Variants in IMMP2L observed in about 807,000 individuals in gnomAD.
IMMP2L encodes mitochondrial inner membrane protease subunit 2.
IMMP2L carries 18 observed loss-of-function variants against 19.3 expected under a neutral mutation model. The observed-to-expected ratio is 0.93, with a 90% CI of 0.64 to 1.38. The LOEUF is 1.38. Among genes scored for constraint, IMMP2L ranks in the 40% most tolerant of loss-of-function variants. The pLI is 0.00. For synonymous variants in IMMP2L, 76 were observed against 73.0 expected (o/e 1.04, Z -0.21); for missense variants, 233 against 218.2 (o/e 1.07, Z -0.43).
At chr7:110,777,726 T>A (rs141243053) in intron 5 of IMMP2L, among the ~76,000 whole-genome samples, 1 of 151,960 alleles carries the variant, frequency 6.6e-6, no homozygotes, top group African/African-American at 2.4e-5. Flanking sequence ...GGCTTACAGA[T>A]CCACTATATC....
chr7:110,851,380 C>T (rs1204824135), intron 5 of IMMP2L, among the ~76,000 whole-genome samples: 1 of 152,148 alleles, frequency 6.6e-6, no homozygotes, highest in African/African-American at 2.4e-5. Context: ...GTGCATGATG[C>T]ACAGAGGAAT....
intron 3 of IMMP2L, among the ~76,000 whole-genome samples, chr7:111,012,383 T>C (rs113639597): frequency 3.3e-5 from 5 of 152,254 alleles, no homozygotes; most frequent in African/African-American, 1.2e-4. Context: ...TTCATAATAA[T>C]GCAGCCAATA....
intron 3 of IMMP2L, among the ~76,000 whole-genome samples, chr7:111,276,317 A>C (rs1819046296): frequency 6.6e-6 from 1 of 151,930 alleles, no homozygotes; most frequent in South Asian, 2.1e-4. Flanking sequence ...TGGTATATTA[A>C]TCTCTTTGAT....
rs77890015 is a variant in IMMP2L at position 110,688,325 on chromosome 7, T to A, written c.409-24604A>T. 8.2e-3 allele frequency among the ~76,000 whole-genome samples: 1,243 copies of A among 152,194 alleles called. 14 individuals carry two copies. Among genetic ancestry groups the A allele is most frequent in the African/African-American group, 0.028 (1,160 of 41,534 alleles). The stretch of plus-strand genomic sequence containing the variant: ...ACTACTCATCACCAATTTGAACCTG[T>A]ACAACTATGTTCACACAAAAACAAA... On this transcript the variant is annotated intron_variant, in intron 5 of 5. Coordinates refer to ENST00000405709, the MANE Select transcript of IMMP2L (RefSeq NM_032549.4).
At chr7:110,850,459 A>T (rs2131522497) in intron 5 of IMMP2L, among the ~76,000 whole-genome samples, 1 of 152,230 alleles carries the variant, frequency 6.6e-6, no homozygotes, top group East Asian at 1.9e-4. Flanking sequence ...CATATAACTG[A>T]AAGTGGGTTT....
intron 3 of IMMP2L, among the ~76,000 whole-genome samples, chr7:110,978,254 T>G (rs1820903236): frequency 6.6e-6 from 1 of 152,062 alleles, no homozygotes; most frequent in African/African-American, 2.4e-5. Flanking sequence ...CACTTGTTAG[T>G]ATATTTGTAG....
At chr7:111,458,034 G>A (rs1447446648) in intron 3 of IMMP2L, among the ~76,000 whole-genome samples, 6 of 151,448 alleles carry the variant, frequency 4.0e-5, no homozygotes, top group South Asian at 4.2e-4. Flanking sequence ...TTACTCTATC[G>A]AGTCTTTAAT....
intron 5 of IMMP2L, among the ~76,000 whole-genome samples, chr7:110,741,584 C>T (rs1796992921): frequency 6.6e-6 from 1 of 152,180 alleles, no homozygotes; most frequent in African/African-American, 2.4e-5. Context: ...CTGTTGGTGC[C>T]ATGATCTTGG....
chr7:111,333,396 T>C (rs1826067017), intron 3 of IMMP2L, among the ~76,000 whole-genome samples: 1 of 152,112 alleles, frequency 6.6e-6, no homozygotes, highest in Admixed American at 6.6e-5. Flanking sequence ...TGGGGATTTG[T>C]GCATTCCTGG....
intron 1 of IMMP2L, among the ~76,000 whole-genome samples, chr7:111,540,867 A>C (rs1161079942): frequency 6.6e-6 from 1 of 152,114 alleles, no homozygotes; most frequent in East Asian, 1.9e-4. Flanking sequence ...CCACTCCTTT[A>C]AATGCCAGTC....
At chr7:110,937,171 T>G (rs1158340501) in intron 4 of IMMP2L, among the ~76,000 whole-genome samples, 1 of 152,148 alleles carries the variant, frequency 6.6e-6, no homozygotes, top group Non-Finnish European at 1.5e-5. Flanking sequence ...CTGCATGTTC[T>G]GCACACGTAT....
chr7:111,420,773 A>AT (rs1835432099), intron 3 of IMMP2L, among the ~76,000 whole-genome samples: 1 of 151,798 alleles, frequency 6.6e-6, no homozygotes, highest in Non-Finnish European at 1.5e-5. Context: ...TCCATGGTGT[A>AT]TAAGTGCCAC....
intron 5 of IMMP2L, among the ~76,000 whole-genome samples, chr7:110,771,894 A>G (rs1370275900): frequency 6.6e-6 from 1 of 152,172 alleles, no homozygotes; most frequent in African/African-American, 2.4e-5. Context: ...AGTCTAGGAT[A>G]TGTACCCAGC....
At chr7:110,955,010 C>T (rs1818220937) in intron 4 of IMMP2L, among the ~76,000 whole-genome samples, 1 of 152,020 alleles carries the variant, frequency 6.6e-6, no homozygotes, top group South Asian at 2.1e-4. Flanking sequence ...TACTGCTAAA[C>T]TGTTTACACA....
intron 3 of IMMP2L, among the ~76,000 whole-genome samples, chr7:111,219,718 C>A (rs1342503580): frequency 6.6e-6 from 1 of 151,928 alleles, no homozygotes; most frequent in Non-Finnish European, 1.5e-5. Flanking sequence ...TCAAATTCAA[C>A]TGCAATAATT....
intron 4 of IMMP2L, 40 bp from the exon 5 acceptor site, chr7:110,886,735 A>T (rs1199038040): frequency 1.0e-6 from 1 of 958,340 alleles, no homozygotes; most frequent in Non-Finnish European, 1.7e-6. Context: ...ATGAGTAGAA[A>T]AGAGATCAAA....
chr7:111,217,126 T>TCACACACACACA (rs1315821493), intron 3 of IMMP2L, among the ~76,000 whole-genome samples: 59 of 124,066 alleles, frequency 4.8e-4, no homozygotes, highest in African/African-American at 1.8e-3. Flanking sequence ...TCTCTCTCTC[T>TCACACACACACA]CACACACACA....
chr7:110,735,652 A>AAT (rs138161100), intron 5 of IMMP2L, among the ~76,000 whole-genome samples: 1,952 of 126,108 alleles, frequency 0.015, 54 homozygotes, highest in African/African-American at 0.047. Flanking sequence ...ATATTAGACA[A>AAT]ATATATATAT....
chr7:111,380,520 G>T (rs964339282), intron 3 of IMMP2L, among the ~76,000 whole-genome samples: 1 of 151,832 alleles, frequency 6.6e-6, no homozygotes, highest in South Asian at 2.1e-4. Flanking sequence ...TTAACTTCTT[G>T]AATTAACATG....
Sources: gnomAD v4.1 joint callset for allele counts (sites outside exome capture counted in the v4.1 genomes callset) on GRCh38, gnomAD v4.1.1 for gene constraint, MANE v1.5 for transcripts, NCBI Gene and HGNC (gene_info 2026-07-23, HGNC 2026-07-21) for gene names.